The following GNAL variants were observed in gnomAD, a reference collection of about 807,000 sequenced individuals.
GNAL encodes guanine nucleotide-binding protein G(olf) subunit alpha.
In GNAL, 18 loss-of-function variants were observed where a neutral mutation model predicts 55.1. The ratio of observed to expected loss-of-function variants is 0.33; its 90% CI spans 0.23 to 0.48. GNAL has a LOEUF of 0.48. GNAL is among the 20% of genes least tolerant of loss of function. The pLI, the probability that GNAL is intolerant of heterozygous loss-of-function variation, is 0.99. For missense variants in GNAL, 412 were observed against 614.1 expected (o/e 0.67, Z 3.48); for synonymous variants, 253 against 237.0 (o/e 1.07, Z -0.62).
intron 5 of GNAL, among the ~76,000 whole-genome samples, chr18:11,828,663 A>T (rs778491337): frequency 0.022 from 3,310 of 148,494 alleles, 65 homozygotes; most frequent in South Asian, 0.052. Flanking sequence ...TTCTGTTGTA[A>T]AAAAAAAAAA....
chr18:11,838,167 G>A (rs542263654), intron 5 of GNAL, among the ~76,000 whole-genome samples: 3 of 152,240 alleles, frequency 2.0e-5, no homozygotes, highest in South Asian at 2.1e-4. Context: ...CCCATCAGCC[G>A]ATGAGTGGAT....
chr18:11,851,477 C>T, intron 5 of GNAL: 2 of 1,501,692 alleles, frequency 1.3e-6, no homozygotes, highest in Non-Finnish European at 1.8e-6. Flanking sequence ...GCGCGCTTCT[C>T]AGCCGGGCCG....
chr18:11,788,943 A>G (rs2034153690), intron 4 of GNAL, among the ~76,000 whole-genome samples: 1 of 142,962 alleles, frequency 7.0e-6, no homozygotes, highest in Admixed American at 6.9e-5. Context: ...ATATACACAT[A>G]TATATCAAAA....
intron 4 of GNAL, among the ~76,000 whole-genome samples, chr18:11,772,411 C>CA (rs2033661796): frequency 1.3e-5 from 2 of 152,332 alleles, no homozygotes; most frequent in Admixed American, 1.3e-4. Context: ...GCAGGTTTCT[C>CA]ACTTCAATTC....
At chr18:11,795,081 G>C (rs1002049942) in intron 4 of GNAL, among the ~76,000 whole-genome samples, 2 of 152,010 alleles carry the variant, frequency 1.3e-5, no homozygotes, top group Non-Finnish European at 2.9e-5. Flanking sequence ...GACCTCAGGT[G>C]ATCTGCCCAT....
chr18:11,712,566 G>A (rs1037963397), intron 1 of GNAL, among the ~76,000 whole-genome samples: 15 of 152,252 alleles, frequency 9.9e-5, no homozygotes, highest in African/African-American at 3.6e-4. Context: ...AAATAAAATT[G>A]TATTATTACA....
In GNAL at chr18:11,885,403, T is replaced by A; in HGVS notation, c.*4268T>A. 1 of 461,820 alleles carries A rather than the reference T, an allele frequency of 2.2e-6. No individual in the cohort carries two copies. The highest frequency in any genetic ancestry group is 3.9e-6 in the Non-Finnish European group (1 of 256,726). The allele number at this position is 461,820 out of a possible 1,614,324, so 28.6% of individuals were successfully genotyped here. On this transcript the variant is annotated 3_prime_UTR_variant, in exon 12 of 12. Transcript: ENST00000334049. ...TAGAAAATTAAACACACACAGAGTG[T>A]AAGAGGAGAGGATACGGCCCTCCCT...
In GNAL at chr18:11,800,998, C is replaced by A. The variant is rs544238679; in HGVS notation, c.625-23920C>A. On this transcript the variant is annotated intron_variant, in intron 4 of 11. Coordinates refer to ENST00000334049, the MANE Select transcript of GNAL (RefSeq NM_182978.4). ...CAAATAATTGATATGAATTTTCAAC[C>A]TAATTCACATAGGCTTTTGGCATGG... Among the ~76,000 whole-genome samples the A allele has an allele frequency of 1.4e-3, 211 of 152,288 alleles. 2 individuals are homozygous for A. Among genetic ancestry groups the A allele is most frequent in the African/African-American group, 4.7e-3 (195 of 41,564 alleles).
At chr18:11,696,785 A>G (rs1812203718) in intron 1 of GNAL, among the ~76,000 whole-genome samples, 1 of 152,214 alleles carries the variant, frequency 6.6e-6, no homozygotes, top group African/African-American at 2.4e-5. Flanking sequence ...TATTCACATG[A>G]TTAATACTGG....
chr18:11,788,910 A>ATATATATATATATATAT (rs1314963053), intron 4 of GNAL, among the ~76,000 whole-genome samples: 2 of 73,344 alleles, frequency 2.7e-5, no homozygotes, highest in Non-Finnish European at 2.4e-5. Context: ...AAAAAAAAAA[A>ATATATATATATATATAT]AAAAATATAT....
chr18:11,877,798 T>C (rs915681240), intron 11 of GNAL, among the ~76,000 whole-genome samples: 1 of 152,160 alleles, frequency 6.6e-6, no homozygotes, highest in Non-Finnish European at 1.5e-5. Context: ...GACTCTTGAA[T>C]CCTACAGTGA....
At chr18:11,879,125 AATAT>A (rs1567907901) in intron 11 of GNAL, among the ~76,000 whole-genome samples, 1 of 149,916 alleles carries the variant, frequency 6.7e-6, no homozygotes. Context: ...ATATATTAAA[AATAT>A]ATATATATAA....
chr18:11,764,577 C>CG (rs1463806088), intron 4 of GNAL, among the ~76,000 whole-genome samples: 1 of 151,992 alleles, frequency 6.6e-6, no homozygotes, highest in African/African-American at 2.4e-5. Context: ...GAGGCCCAGG[C>CG]GGGTGGATCA....
Position 11,753,802 on chromosome 18 carries a change from A to T in GNAL, c.505-24A>T, listed in dbSNP as rs11660986. 1,940 of 1,578,992 alleles carry T rather than the reference A, an allele frequency of 1.2e-3. 27 individuals carry two copies. In the African/African-American group the frequency reaches 0.023, roughly 19 times the overall value. On this transcript the variant is annotated intron_variant, in intron 3 of 11. Transcript: ENST00000334049. Reference sequence around the variant, plus strand: ...ACATGGAGCCTAAATGTTTATCCATATTTTTTTTCTTATTCCATTTTAGAC... The same window carrying T: ...ACATGGAGCCTAAATGTTTATCCATTTTTTTTTTCTTATTCCATTTTAGAC...
At chr18:11,867,133 C>T in intron 7 of GNAL, 35 bp from the exon 8 acceptor site, 2 of 1,550,692 alleles carry the variant, frequency 1.3e-6, no homozygotes, top group Non-Finnish European at 1.8e-6. Context: ...CCCCTGCTTC[C>T]CCCAAATAAT....
chr18:11,885,581 TA>T lies in GNAL; in HGVS notation c.*4449del. 6.8e-7 allele frequency: 1 copy of T among 1,463,902 alleles called. No individual in the cohort carries two copies. The highest frequency in any genetic ancestry group is 1.3e-5 in the South Asian group (1 of 78,196). The allele number at this position is 1,463,902 out of a possible 1,614,324, so 90.7% of individuals were successfully genotyped here. A position where few individuals can be genotyped will look rare whatever the true frequency, so the allele number is the denominator to read the frequency against. On this transcript the variant is annotated 3_prime_UTR_variant, in exon 12 of 12. Transcript: ENST00000334049. ...GAGAGAAATTTGTGTGTGGCTTTTG[TA>T]AATTTTGACCGATTGCAGCAATTAA...
At chr18:11,705,750 CTTTTTTT>C (rs749198189) in intron 1 of GNAL, among the ~76,000 whole-genome samples, 54 of 118,354 alleles carry the variant, frequency 4.6e-4, no homozygotes, top group African/African-American at 1.2e-3. Flanking sequence ...ATTTCTATGT[CTTTTTTT>C]TTTTTTTTTT....
chr18:11,728,802 A>G (rs1598415037), intron 1 of GNAL, among the ~76,000 whole-genome samples: 1 of 152,164 alleles, frequency 6.6e-6, no homozygotes, highest in African/African-American at 2.4e-5. Flanking sequence ...TTCCTGTCTT[A>G]GACGATGAGT....
At chr18:11,806,567 G>A (rs771731395) in intron 4 of GNAL, among the ~76,000 whole-genome samples, 32 of 152,042 alleles carry the variant, frequency 2.1e-4, no homozygotes, top group Admixed American at 1.3e-3. Context: ...AGTATTAGAG[G>A]AAAAAGAATT....
Sources: gnomAD v4.1 joint callset for allele counts (sites outside exome capture counted in the v4.1 genomes callset) on GRCh38, gnomAD v4.1.1 for gene constraint, MANE v1.5 for transcripts, NCBI Gene and HGNC (gene_info 2026-07-23, HGNC 2026-07-21) for gene names.